TMEM51: variants seen among roughly 807,000 people sequenced by gnomAD.
TMEM51 encodes the protein transmembrane protein 51, also known as chromosome 1 open reading frame 72.
A neutral mutation model predicts 13.6 loss-of-function variants in TMEM51; 8 were observed. That is an observed-to-expected ratio of 0.59 (90% CI 0.35 to 1.07). The LOEUF (loss-of-function observed/expected upper bound fraction) is 1.07. Among genes scored for constraint, TMEM51 ranks in the 50% least tolerant of loss-of-function variants. The probability of loss-of-function intolerance (pLI) is 0.02; values close to 1 mark genes in which losing one functional copy is unlikely to be tolerated. For missense variants in TMEM51, 279 were observed against 330.7 expected (o/e 0.84, Z 1.21); for synonymous variants, 147 against 144.4 (o/e 1.02, Z -0.13).
chr1:15,188,167 C>T (rs955055785), intron 1 of TMEM51, among the ~76,000 whole-genome samples: 2 of 152,196 alleles, frequency 1.3e-5, no homozygotes, highest in Non-Finnish European at 2.9e-5. Flanking sequence ...TCCACCTCGG[C>T]TCGCGTTAGC....
chr1:15,216,635 A>G (rs911438816), intron 3 of TMEM51, among the ~76,000 whole-genome samples: 1 of 152,228 alleles, frequency 6.6e-6, no homozygotes, highest in Non-Finnish European at 1.5e-5. Context: ...CCTGGGAGAC[A>G]GTCCCACAGG....
intron 1 of TMEM51, among the ~76,000 whole-genome samples, chr1:15,158,607 G>C (rs941200936): frequency 1.3e-5 from 2 of 152,188 alleles, no homozygotes; most frequent in Non-Finnish European, 2.9e-5. Flanking sequence ...CTCTTGCAGA[G>C]TAGGCGTTTC....
At chr1:15,177,903 GTCT>G (rs1481417863) in intron 1 of TMEM51, among the ~76,000 whole-genome samples, 1 of 152,204 alleles carries the variant, frequency 6.6e-6, no homozygotes, top group Non-Finnish European at 1.5e-5. Context: ...GTCACGCGAA[GTCT>G]TCTAACCCAT....
At chr1:15,171,420 CTG>C in intron 1 of TMEM51, 1 of 1,048,148 alleles carries the variant, frequency 9.5e-7, no homozygotes, top group South Asian at 1.6e-5. Flanking sequence ...GCATCGCCAC[CTG>C]GCCCTGGGTA....
chr1:15,153,250 G>A (rs1288990852), upstream of TMEM51, among the ~76,000 whole-genome samples: 2 of 152,102 alleles, frequency 1.3e-5, no homozygotes, highest in African/African-American at 4.8e-5. Flanking sequence ...TGAGTATCCC[G>A]CCAGGTAAAG....
intron 2 of TMEM51, among the ~76,000 whole-genome samples, chr1:15,214,006 C>T (rs995110796): frequency 0.013 from 1,664 of 124,182 alleles, 37 homozygotes; most frequent in African/African-American, 0.049. Context: ...AGCACCCAGC[C>T]TTTTTTTTTT....
At chr1:15,178,342 G>A (rs770517280) in intron 1 of TMEM51, among the ~76,000 whole-genome samples, 4 of 152,100 alleles carry the variant, frequency 2.6e-5, no homozygotes, top group Non-Finnish European at 4.4e-5. Context: ...GAGCTCAGCC[G>A]ATTCCTCAGA....
intron 1 of TMEM51, among the ~76,000 whole-genome samples, chr1:15,163,827 T>TGGGG (rs201334078): frequency 1.9e-5 from 1 of 52,158 alleles, no homozygotes; most frequent in African/African-American, 6.4e-5. Flanking sequence ...TGGCTTTTTT[T>TGGGG]GGGGGGGGGG....
At chr1:15,191,761 T>G in intron 1 of TMEM51, 2 of 305,300 alleles carry the variant, frequency 6.6e-6, no homozygotes, top group Non-Finnish European at 1.3e-5. Flanking sequence ...TTTTTTGAAG[T>G]TTGCAAATCT....
At chr1:15,178,458 T>C (rs927095164) in intron 1 of TMEM51, among the ~76,000 whole-genome samples, 1 of 152,198 alleles carries the variant, frequency 6.6e-6, no homozygotes, top group African/African-American at 2.4e-5. Flanking sequence ...CGCATTCTGA[T>C]TCTGTAAGTC....
At chr1:15,202,972 G>A (rs940359732) in intron 1 of TMEM51, among the ~76,000 whole-genome samples, 6 of 152,082 alleles carry the variant, frequency 3.9e-5, no homozygotes, top group Non-Finnish European at 7.3e-5. Context: ...ATTAATGGAC[G>A]CCCACCTGCC....
At chr1:15,164,615 G>C (rs1185778870) in intron 1 of TMEM51, among the ~76,000 whole-genome samples, 1 of 151,966 alleles carries the variant, frequency 6.6e-6, no homozygotes, top group Non-Finnish European at 1.5e-5. Context: ...CTTTTTGGAA[G>C]GGTATTCTTT....
intron 1 of TMEM51, among the ~76,000 whole-genome samples, chr1:15,179,889 C>T (rs901027192): frequency 1.3e-5 from 2 of 152,208 alleles, no homozygotes; most frequent in Non-Finnish European, 2.9e-5. Flanking sequence ...TATGAGGGAA[C>T]TTTCTGGGAT....
At chr1:15,186,666 G>T (rs1300573633) in intron 1 of TMEM51, among the ~76,000 whole-genome samples, 1 of 152,170 alleles carries the variant, frequency 6.6e-6, no homozygotes, top group Non-Finnish European at 1.5e-5. Flanking sequence ...GAGGGGAGTG[G>T]CAGGCACTAG....
chr1:15,155,869 C>A (rs1275589755), intron 1 of TMEM51, among the ~76,000 whole-genome samples: 2 of 152,198 alleles, frequency 1.3e-5, no homozygotes, highest in Admixed American at 6.5e-5. Flanking sequence ...CCCTTTCATT[C>A]AAGTTCTCTA....
At chr1:15,172,072 GT>G in intron 1 of TMEM51, among the ~76,000 whole-genome samples, 1 of 152,294 alleles carries the variant, frequency 6.6e-6, no homozygotes, top group East Asian at 1.9e-4. Context: ...AACTTCTGAA[GT>G]ATGGAAAAGA....
rs560712718 is a variant in TMEM51, at chr1:15,180,121, G to A, written c.-267+26167G>A. Among the ~76,000 whole-genome samples, 3 of 152,348 alleles carry A rather than the reference G, an allele frequency of 2.0e-5. No individual in the cohort carries two copies. The South Asian group carries it at 6.2e-4, about 32-fold the overall frequency. On this transcript the variant is annotated intron_variant, in intron 1 of 3. Transcript: ENST00000376008. ...TCTCCATGCTCAGCAAGTGCTGAGT[G>A]TTGATGCCCAGCCTGCGGTGGGCAC...
chr1:15,173,033 C>A (rs1040015520), intron 1 of TMEM51, among the ~76,000 whole-genome samples: 4 of 152,076 alleles, frequency 2.6e-5, no homozygotes, highest in Non-Finnish European at 4.4e-5. Flanking sequence ...TCAATGCCTA[C>A]CTTTTTCATG....
chr1:15,184,215 C>A (rs183355885), intron 1 of TMEM51, among the ~76,000 whole-genome samples: 1 of 152,116 alleles, frequency 6.6e-6, no homozygotes, highest in Admixed American at 6.5e-5. Context: ...TTAGTAGAGA[C>A]GGGGTTTCAC....
Sources: allele counts gnomAD v4.1 joint callset (sites outside exome capture counted in the v4.1 genomes callset), GRCh38; gene constraint gnomAD v4.1.1; transcripts MANE v1.5; gene names NCBI Gene and HGNC (gene_info 2026-07-23, HGNC 2026-07-21).